POMP: variants seen among roughly 807,000 people sequenced by gnomAD.
POMP encodes 2510048O06Rik.
POMP carries 12 observed loss-of-function variants against 20.6 expected under a neutral mutation model. The observed-to-expected ratio is 0.58, with a 90% confidence interval of 0.37 to 0.94. The LOEUF is 0.94. Among genes scored for constraint, POMP ranks in the 40% least tolerant of loss-of-function variants. POMP has a pLI of 0.01. For synonymous variants in POMP, 53 were observed against 55.0 expected, an observed-to-expected ratio of 0.96 and a Z score of 0.16; for missense variants, 136 against 161.1, an observed-to-expected ratio of 0.84 and a Z score of 0.84.
intron 5 of POMP, among the ~76,000 whole-genome samples, chr13:28,673,720 A>G (rs1469075927): frequency 6.6e-6 from 1 of 152,196 alleles, no homozygotes; most frequent in Non-Finnish European, 1.5e-5. Flanking sequence ...ATTTAAAACT[A>G]CTAAGGTGAT....
At chr13:28,674,526 C>G (rs2137799451) in intron 5 of POMP, among the ~76,000 whole-genome samples, 1 of 152,230 alleles carries the variant, frequency 6.6e-6, no homozygotes, top group South Asian at 2.1e-4. Flanking sequence ...GAACTGTCTC[C>G]CAGCATATAT....
chr13:28,659,229 G>C, intron 1 of POMP, 42 bp downstream of exon 1: 1 of 1,574,170 alleles, frequency 6.4e-7, no homozygotes, highest in Non-Finnish European at 8.6e-7. Context: ...CGCGGGCTCG[G>C]GACCGTGGCT....
intron 5 of POMP, among the ~76,000 whole-genome samples, chr13:28,676,918 T>C (rs1452851575): frequency 6.6e-6 from 1 of 152,206 alleles, no homozygotes; most frequent in African/African-American, 2.4e-5. Flanking sequence ...TCTCCACCAG[T>C]GCCTTGCTTA....
intron 2 of POMP, among the ~76,000 whole-genome samples, chr13:28,663,626 A>G (rs75475997): frequency 0.012 from 1,844 of 152,336 alleles, 32 homozygotes; most frequent in Middle Eastern, 0.027. Context: ...TACTCTTACT[A>G]TAATAGAATG....
intron 5 of POMP, among the ~76,000 whole-genome samples, chr13:28,673,577 C>T (rs900870218): frequency 2.0e-5 from 3 of 152,340 alleles, no homozygotes; most frequent in Non-Finnish European, 4.4e-5. Context: ...TGCTTGGCTG[C>T]TGATGTCCGG....
At chr13:28,674,525 C>G (rs1186514888) in intron 5 of POMP, among the ~76,000 whole-genome samples, 1 of 152,148 alleles carries the variant, frequency 6.6e-6, no homozygotes, top group East Asian at 1.9e-4. Context: ...AGAACTGTCT[C>G]CCAGCATATA....
intron 1 of POMP, 116 bp from the exon 2 acceptor site, chr13:28,662,293 CT>C: frequency 1.4e-6 from 1 of 703,780 alleles, no homozygotes. Flanking sequence ...CTAGTCTGGA[CT>C]TTTTGAGGGC....
At chr13:28,671,758 G>A (rs1415474435) in intron 4 of POMP, among the ~76,000 whole-genome samples, 1 of 151,910 alleles carries the variant, frequency 6.6e-6, no homozygotes, top group Non-Finnish European at 1.5e-5. Context: ...TGTTGGGGGT[G>A]GGGGGAATGT....
chr13:28,664,192 T>G (rs1884397161), intron 2 of POMP, among the ~76,000 whole-genome samples: 1 of 152,214 alleles, frequency 6.6e-6, no homozygotes, highest in Non-Finnish European at 1.5e-5. Context: ...TAAACATACA[T>G]TCATTAAATT....
At chr13:28,674,350 G>C (rs1593175688) in intron 5 of POMP, among the ~76,000 whole-genome samples, 1 of 152,216 alleles carries the variant, frequency 6.6e-6, no homozygotes, top group Non-Finnish European at 1.5e-5. Flanking sequence ...TACGTTAGAG[G>C]AGAGGAACTC....
chr13:28,672,165 A>G (rs1390595271), intron 4 of POMP, among the ~76,000 whole-genome samples, 174 bp from the exon 5 acceptor site: 2 of 152,234 alleles, frequency 1.3e-5, no homozygotes, highest in Non-Finnish European at 2.9e-5. Flanking sequence ...TGTCTTTACA[A>G]CTTAGTTTGT....
chr13:28,675,790 A>G (rs1884618090), intron 5 of POMP, among the ~76,000 whole-genome samples: 1 of 152,210 alleles, frequency 6.6e-6, no homozygotes, highest in Non-Finnish European at 1.5e-5. Flanking sequence ...TAAGGGCCTC[A>G]GGAAGCTTAC....
In POMP at chr13:28,678,261, C is replaced by A; in HGVS notation, c.*159C>A. ...ATTTGGAGGGGTCTTTGGTTTACAG[C>A]CATGTGACAATTAAAAGCACTAAAG... On this transcript the variant is annotated 3_prime_UTR_variant, in exon 6 of 6. Coordinates refer to ENST00000380842, the MANE Select transcript of POMP (RefSeq NM_015932.6). The A allele has an allele frequency of 1.4e-6, 1 of 705,622 alleles. No homozygotes were observed. The allele number at this position is 705,622 out of a possible 1,614,324, so 43.7% of individuals were successfully genotyped here.
At chr13:28,664,486 T>G in intron 2 of POMP, 23 bp from the exon 3 acceptor site, 4 of 1,260,844 alleles carry the variant, frequency 3.2e-6, no homozygotes, top group Middle Eastern at 2.0e-4. Flanking sequence ...CCTCTAAATG[T>G]TTTTTTTTTA....
At chr13:28,671,025 C>T (rs140621638) in intron 4 of POMP, among the ~76,000 whole-genome samples, 33 of 152,076 alleles carry the variant, frequency 2.2e-4, no homozygotes, top group African/African-American at 3.9e-4. Context: ...CCAGCCTGGG[C>T]GACAAGAGCA....
chr13:28,665,197 A>G (rs1378303399), intron 3 of POMP, among the ~76,000 whole-genome samples: 1 of 152,234 alleles, frequency 6.6e-6, no homozygotes, highest in African/African-American at 2.4e-5. Flanking sequence ...ATACATGTCC[A>G]AAACACAATT....
rs1169366533 is a variant in POMP, at chr13:28,678,639, T to C, written c.*537T>C. The C allele has an allele frequency of 6.5e-6, 1 of 153,680 alleles. No homozygotes were observed. The highest frequency in any genetic ancestry group is 1.4e-5 in the Non-Finnish European group (1 of 69,120). 9.5% of individuals were successfully genotyped at this position (153,680 alleles called of 1,614,324 possible). Reference sequence around the variant, plus strand: ...ATTATTTCAGGTTGAAAAGTAGAAGTTCCAAGGTTTTGATTTTGGTCTGGT... The same window carrying C: ...ATTATTTCAGGTTGAAAAGTAGAAGCTCCAAGGTTTTGATTTTGGTCTGGT... On this transcript the variant is annotated 3_prime_UTR_variant, in exon 6 of 6. Transcript: ENST00000380842.
intron 1 of POMP, among the ~76,000 whole-genome samples, chr13:28,661,074 A>G (rs1884331903): frequency 6.6e-6 from 1 of 152,242 alleles, no homozygotes; most frequent in Admixed American, 6.5e-5. Flanking sequence ...TTCTTCTAGA[A>G]TAATATAAAA....
intron 3 of POMP, among the ~76,000 whole-genome samples, chr13:28,665,495 T>C (rs11619137): frequency 0.19 from 28,251 of 152,166 alleles, 2,642 homozygotes; most frequent in South Asian, 0.24. Context: ...AGTACACTTA[T>C]AAGTATGTGA....
Sources: gnomAD v4.1 joint callset for allele counts (sites outside exome capture counted in the v4.1 genomes callset) on GRCh38, gnomAD v4.1.1 for gene constraint, MANE v1.5 for transcripts, NCBI Gene and HGNC (gene_info 2026-07-23, HGNC 2026-07-21) for gene names.